NHS: variants seen among roughly 807,000 people sequenced by gnomAD.
The protein encoded by NHS is actin remodeling regulator NHS.
A neutral mutation model predicts 72.5 loss-of-function variants in NHS; 5 were observed. The ratio of observed to expected loss-of-function variants is 0.07; its 90% CI spans 0.04 to 0.14. NHS has a LOEUF of 0.14. Among genes scored for constraint, NHS ranks in the 10% least tolerant of loss-of-function variants. NHS has a pLI of 1.00. For missense variants in NHS, 1,072 were observed against 1,355.7 expected, an observed-to-expected ratio of 0.79 and a Z score of 3.29; for synonymous variants, 464 against 547.7, an observed-to-expected ratio of 0.85 and a Z score of 2.13.
chrX:17,685,896 C>T (rs181820692), intron 1 of NHS, among the ~76,000 whole-genome samples: 8 of 112,143 alleles, frequency 7.1e-5, no homozygotes, highest in Admixed American at 3.8e-4. Context: ...AACCATTTTG[C>T]ACAAAGCCAG....
At chrX:17,687,917 G>A (rs901306368) in intron 2 of NHS, 23 bp downstream of exon 2, 2 of 1,202,528 alleles carry the variant, frequency 1.7e-6, no homozygotes, top group Non-Finnish European at 2.2e-6. Flanking sequence ...GGGCTTGGGG[G>A]CTTTTGCGGG....
intron 1 of NHS, among the ~76,000 whole-genome samples, chrX:17,545,568 C>T (rs746146129): frequency 5.4e-5 from 6 of 111,732 alleles, no homozygotes; most frequent in Non-Finnish European, 1.1e-4. Flanking sequence ...CCAGCTCCTG[C>T]CTGGGGAGTC....
At chrX:17,449,414 C>T (rs373337070) in intron 1 of NHS, among the ~76,000 whole-genome samples, 7 of 112,384 alleles carry the variant, frequency 6.2e-5, no homozygotes, top group Admixed American at 1.9e-4. Context: ...ATATCAGTTA[C>T]GTGAAGTTCA....
chrX:17,442,763 C>G (rs962430915), intron 1 of NHS, among the ~76,000 whole-genome samples: 1 of 112,310 alleles, frequency 8.9e-6, no homozygotes, highest in East Asian at 2.8e-4. Context: ...ATTTATTTCT[C>G]TATAAAAACT....
rs1753273970 is a variant in NHS at position 17,735,117 on chromosome X, C to T, written c.*2653C>T. On this transcript the variant is annotated 3_prime_UTR_variant, in exon 9 of 9. Transcript: ENST00000676302. ...TATAGTTTTACTTATTTTGTTTACT[C>T]TAAAAATCTATAGCAGAGTTTCTCT... is the stretch of plus-strand genomic sequence containing the variant. 1 of 112,406 alleles carries T rather than the reference C, an allele frequency of 8.9e-6. No individual in the cohort carries two copies. Among genetic ancestry groups the T allele is most frequent in the Non-Finnish European group, 1.9e-5 (1 of 53,189 alleles). 9.3% of individuals were successfully genotyped at this position (112,406 alleles called of 1,213,427 possible).
chrX:17,410,516 CTTTTTT>C (rs200959395), intron 1 of NHS, among the ~76,000 whole-genome samples: 1 of 82,227 alleles, frequency 1.2e-5, no homozygotes, highest in African/African-American at 4.6e-5. Context: ...CAACTCTCTG[CTTTTTT>C]TTTTTTTTTT....
intron 1 of NHS, among the ~76,000 whole-genome samples, chrX:17,482,156 C>G (rs1379800174): frequency 8.9e-6 from 1 of 111,927 alleles, no homozygotes; most frequent in Non-Finnish European, 1.9e-5. Flanking sequence ...AACAAAAGGA[C>G]TGCTTCATCA....
At chrX:17,592,964 C>A in intron 1 of NHS, among the ~76,000 whole-genome samples, 1 of 111,015 alleles carries the variant, frequency 9.0e-6, no homozygotes, top group African/African-American at 3.3e-5. Flanking sequence ...TCATCATTCA[C>A]CATAATAAAA....
At chrX:17,709,392 C>T (rs1476372819) in intron 3 of NHS, among the ~76,000 whole-genome samples, 1 of 111,333 alleles carries the variant, frequency 9.0e-6, no homozygotes, top group Non-Finnish European at 1.9e-5. Flanking sequence ...CCCCACATCA[C>T]GCTGGTTCAT....
rs1262480672 is a variant in NHS, at chrX:17,727,718, C to A, written c.3612C>A (p.Asp1204Glu). ...AAGACACCATACTGTCCTTTTTAGA[C>A]TCTTCTGCAGTTGAGATGGGACCAG... ...STEDTILSFL[D>E]SSAVEMGPDK... is the part of the protein sequence containing the mutation. Residue 1204 changes from aspartate to glutamate, a missense_variant, in exon 7 of 9, where the codon GAC becomes GAA. By Grantham distance (45) the Asp-to-Glu change is conservative. Transcript: ENST00000676302. 1.7e-5 allele frequency: 21 copies of A among 1,211,015 alleles called. No individual in the cohort carries two copies. The highest frequency in any genetic ancestry group is 2.3e-5 in the Non-Finnish European group (21 of 894,772).
intron 1 of NHS, among the ~76,000 whole-genome samples, chrX:17,501,549 A>G (rs889682675): frequency 2.7e-5 from 3 of 111,730 alleles, no homozygotes; most frequent in Admixed American, 9.5e-5. Flanking sequence ...AGCCTGAGCA[A>G]CATGGGGGAA....
intron 3 of NHS, among the ~76,000 whole-genome samples, chrX:17,712,766 G>T (rs1409117890): frequency 1.8e-5 from 2 of 110,378 alleles, no homozygotes; most frequent in East Asian, 5.8e-4. Flanking sequence ...AAAGGTTAGC[G>T]TGAAGGGTTT....
chrX:17,729,689 A>T (rs1007781082), intron 8 of NHS, among the ~76,000 whole-genome samples: 3 of 111,929 alleles, frequency 2.7e-5, no homozygotes, highest in Non-Finnish European at 3.8e-5. Flanking sequence ...CTAATGACCA[A>T]AGAACAGAAC....
At chrX:17,489,358 A>T (rs1311984924) in intron 1 of NHS, among the ~76,000 whole-genome samples, 4 of 112,315 alleles carry the variant, frequency 3.6e-5, no homozygotes, top group Non-Finnish European at 7.5e-5. Flanking sequence ...ATCCTTAAGG[A>T]ATCGCCACAC....
At chrX:17,650,930 G>C (rs1318380113) in intron 1 of NHS, among the ~76,000 whole-genome samples, 3 of 112,046 alleles carry the variant, frequency 2.7e-5, no homozygotes, top group South Asian at 3.7e-4. Flanking sequence ...AATCTGTATC[G>C]TGGAGTCCCC....
intron 1 of NHS, among the ~76,000 whole-genome samples, chrX:17,419,204 G>A (rs2064611258): frequency 8.9e-6 from 1 of 112,480 alleles, no homozygotes; most frequent in South Asian, 3.7e-4. Context: ...TACTGCTTAC[G>A]GGCAGATCAT....
intron 1 of NHS, among the ~76,000 whole-genome samples, chrX:17,645,237 C>CT (rs2065901034): frequency 9.0e-6 from 1 of 111,584 alleles, no homozygotes; most frequent in African/African-American, 3.3e-5. Flanking sequence ...ATTGGTTACT[C>CT]ACTACCATGA....
chrX:17,456,815 G>A (rs1191000258), intron 1 of NHS, among the ~76,000 whole-genome samples: 2 of 111,899 alleles, frequency 1.8e-5, no homozygotes, highest in Non-Finnish European at 3.8e-5. Flanking sequence ...AGCCATCACA[G>A]CAATGGCTCT....
chrX:17,524,961 T>A (rs1024784076), intron 1 of NHS, among the ~76,000 whole-genome samples: 4 of 111,596 alleles, frequency 3.6e-5, no homozygotes, highest in African/African-American at 1.3e-4. Context: ...TCCAAAATAG[T>A]CTTTGATTGG....
Sources: gnomAD v4.1 joint callset for allele counts (sites outside exome capture counted in the v4.1 genomes callset) on GRCh38, gnomAD v4.1.1 for gene constraint, MANE v1.5 for transcripts, NCBI Gene and HGNC (gene_info 2026-07-23, HGNC 2026-07-21) for gene names.